Variants in MYO10 observed in about 807,000 individuals in gnomAD.
MYO10 encodes unconventional myosin-X.
Under a neutral mutation model 257.3 loss-of-function variants are expected in MYO10, and 133 were observed. The observed-to-expected ratio is 0.52, with a 90% CI of 0.45 to 0.60. The LOEUF (loss-of-function observed/expected upper bound fraction) is 0.60, where lower values mean the gene tolerates loss of function less well. MYO10 is among the 20% of genes least tolerant of loss of function. The pLI is 0.00. For missense variants in MYO10, 2,399 were observed against 2,635.7 expected (o/e 0.91, Z 1.97); for synonymous variants, 1,104 against 1,028.6 (o/e 1.07, Z -1.40).
At chr5:16,674,820 G>A in intron 35 of MYO10, 33 bp downstream of exon 35, 1 of 1,611,108 alleles carries the variant, frequency 6.2e-7, no homozygotes, top group South Asian at 1.1e-5. Flanking sequence ...AAGCAGCTCT[G>A]CCCAGCTCAT....
chr5:16,909,448 G>A (rs113663319), intron 1 of MYO10, among the ~76,000 whole-genome samples: 6 of 148,542 alleles, frequency 4.0e-5, no homozygotes, highest in African/African-American at 1.2e-4. Context: ...GGAAGTTGCA[G>A]TGAGCTGAGA....
At chr5:16,843,944 A>G (rs1030268710) in intron 2 of MYO10, among the ~76,000 whole-genome samples, 1 of 152,230 alleles carries the variant, frequency 6.6e-6, no homozygotes, top group African/African-American at 2.4e-5. Flanking sequence ...AAGAACTTCA[A>G]ATACTTAACT....
At position 16,686,994 on chromosome 5, in the gene MYO10, ACT is replaced by A. The variant is rs373455046; in HGVS notation, c.3897-1165_3897-1164del. On this transcript the variant is annotated intron_variant, in intron 28 of 40. Transcript: ENST00000513610. ...TCTTCCATCTTTATTTCAAATGAGT[ACT>A]CTCACATCCAACCTCATCACAATCA... Among the ~76,000 whole-genome samples the A allele has an allele frequency of 9.9e-5, 15 of 152,204 alleles. No homozygotes were observed. In the South Asian group the frequency reaches 2.9e-3, roughly 29 times the overall value.
At chr5:16,932,527 T>A (rs560835295) in intron 1 of MYO10, among the ~76,000 whole-genome samples, 2 of 152,254 alleles carry the variant, frequency 1.3e-5, no homozygotes, top group Middle Eastern at 3.4e-3. Flanking sequence ...CTGGCTGAAG[T>A]AAACTTAACA....
At chr5:16,814,978 GT>G (rs11322981) in intron 3 of MYO10, 43,726 of 151,670 alleles carry the variant, frequency 0.29, 7,228 homozygotes, top group East Asian at 0.4. Context: ...CCCTTGTGTA[GT>G]TTTTTTTTCC....
rs377410851 is a variant in MYO10, at chr5:16,673,739, A to G, written c.5115T>C (p.Tyr1705=). ...IHRQEMTSTV[Y]CHGGGSCKIT... Reference sequence around the variant, plus strand: ...TCTTGCAGGAGCCGCCGCCATGGCAATAGACCGTGGATGTCATTTCCTGCC... The same window carrying G: ...TCTTGCAGGAGCCGCCGCCATGGCAGTAGACCGTGGATGTCATTTCCTGCC... Residue 1705 remains tyrosine, a synonymous_variant, in exon 36 of 41, where the codon TAT becomes TAC. Transcript: ENST00000513610. 1.3e-4 allele frequency: 211 copies of G among 1,613,848 alleles called. No homozygotes were observed. Among genetic ancestry groups the G allele is most frequent in the Non-Finnish European group, 1.7e-4 (199 of 1,179,892 alleles).
chr5:16,899,737 C>T (rs1388884632), intron 1 of MYO10, among the ~76,000 whole-genome samples: 1 of 151,898 alleles, frequency 6.6e-6, no homozygotes, highest in Non-Finnish European at 1.5e-5. Flanking sequence ...GTGGCTCTCG[C>T]CTGTAATCCC....
Position 16,689,914 on chromosome 5 carries a change from A to G in MYO10, c.3806T>C (p.Ile1269Thr). ...GTVEVRTAKE[I>T]IDNTTKENGI... ...ATTCTCCTTGGTGGTGTTATCTATG[A>G]TCTCTCTGCAAAGAAGCAAAAGCAA... The change falls in exon 28 of 41, where the codon ATC becomes ACC. Residue 1269 changes from isoleucine to threonine, a missense_variant. Ile to Thr is a moderately conservative substitution (Grantham distance 89). Coordinates refer to ENST00000513610, the MANE Select transcript of MYO10 (RefSeq NM_012334.3). The G allele has an allele frequency of 6.2e-7, 1 of 1,612,030 alleles. No homozygotes were observed. The highest frequency in any genetic ancestry group is 8.5e-7 in the Non-Finnish European group (1 of 1,178,216).
intron 2 of MYO10, among the ~76,000 whole-genome samples, chr5:16,855,031 T>TAA (rs1743920774): frequency 6.7e-6 from 1 of 149,438 alleles, no homozygotes; most frequent in Non-Finnish European, 1.5e-5. Flanking sequence ...AGACTCCATC[T>TAA]CAAAAAAAAA....
chr5:16,921,652 G>A (rs1273335851), intron 1 of MYO10, among the ~76,000 whole-genome samples: 2 of 146,836 alleles, frequency 1.4e-5, no homozygotes, highest in African/African-American at 2.5e-5. Context: ...AAAAAAAAAC[G>A]AAAACAGTGG....
intron 1 of MYO10, among the ~76,000 whole-genome samples, chr5:16,898,515 C>T (rs1238369562): frequency 6.6e-6 from 1 of 150,784 alleles, no homozygotes; most frequent in Non-Finnish European, 1.5e-5. Flanking sequence ...AGGGTTCAAG[C>T]GATTCTCCTG....
intron 1 of MYO10, among the ~76,000 whole-genome samples, chr5:16,884,909 CA>C (rs1561038156): frequency 6.6e-6 from 1 of 152,056 alleles, no homozygotes; most frequent in African/African-American, 2.4e-5. Flanking sequence ...GAGCCATGGC[CA>C]AACTGAAGGT....
intron 1 of MYO10, among the ~76,000 whole-genome samples, chr5:16,889,485 AGG>A: frequency 5.3e-5 from 2 of 37,748 alleles, no homozygotes; most frequent in Non-Finnish European, 1.1e-4. Flanking sequence ...GAAAGAAGGA[AGG>A]AAGGAAGGAA....
At chr5:16,773,106 C>T (rs1741103471) in intron 9 of MYO10, among the ~76,000 whole-genome samples, 1 of 152,160 alleles carries the variant, frequency 6.6e-6, no homozygotes, top group South Asian at 2.1e-4. Context: ...AATTAAAATA[C>T]CATAAATTAC....
At position 16,694,441 on chromosome 5, in the gene MYO10, AC is replaced by A; in HGVS notation, c.3729del (p.Gln1243HisfsTer4). On this transcript the variant is annotated frameshift_variant, in exon 27 of 41. Transcript: ENST00000513610. LOFTEE classifies it high-confidence loss of function. ...TCGTTTTCAAAGTACATCAGCTTGG[AC>A]TGGCGGAGGACAAACCAGCGCTTCT... is the stretch of plus-strand genomic sequence containing the variant. ...NWKKRWFVLR[Q>X]SKLMYFENDS... The A allele has an allele frequency of 6.2e-7, 1 of 1,614,006 alleles. No homozygotes were observed. The highest frequency in any genetic ancestry group is 8.5e-7 in the Non-Finnish European group (1 of 1,179,894).
At chr5:16,842,645 G>A (rs997910303) in intron 2 of MYO10, among the ~76,000 whole-genome samples, 3 of 152,114 alleles carry the variant, frequency 2.0e-5, no homozygotes, top group African/African-American at 7.2e-5. Context: ...ATAAGACTAA[G>A]GAACTTGGAA....
At chr5:16,881,200 C>T (rs1393088437) in intron 1 of MYO10, among the ~76,000 whole-genome samples, 1 of 152,126 alleles carries the variant, frequency 6.6e-6, no homozygotes, top group Admixed American at 6.6e-5. Flanking sequence ...TCAAAATTGT[C>T]TATTTAGTAA....
intron 19 of MYO10, among the ~76,000 whole-genome samples, chr5:16,750,456 G>C (rs567469649): frequency 2.6e-5 from 4 of 152,030 alleles, no homozygotes; most frequent in South Asian, 4.2e-4. Flanking sequence ...AGGATTTCTA[G>C]ATTCTTCAAC....
At chr5:16,748,604 AAGAGGGAG>A (rs1186196120) in intron 19 of MYO10, among the ~76,000 whole-genome samples, 108 of 120,906 alleles carry the variant, frequency 8.9e-4, no homozygotes, top group South Asian at 3.3e-3. Context: ...AGAAAAGAAA[AAGAGGGAG>A]AGAGGGAGAG....
Sources: allele counts gnomAD v4.1 joint callset (sites outside exome capture counted in the v4.1 genomes callset), GRCh38; gene constraint gnomAD v4.1.1; transcripts MANE v1.5; gene names NCBI Gene and HGNC (gene_info 2026-07-23, HGNC 2026-07-21).